Variants in SRGAP3 observed in about 807,000 individuals in gnomAD.
SRGAP3 encodes the protein SLIT-ROBO Rho GTPase activating protein 3, also known as SLIT-ROBO Rho GTPase-activating protein 3.
Under a neutral mutation model 121.1 loss-of-function variants are expected in SRGAP3, and 39 were observed. The ratio of observed to expected loss-of-function variants is 0.32; its 90% confidence interval spans 0.25 to 0.42. The LOEUF (loss-of-function observed/expected upper bound fraction) is 0.42, where lower values mean the gene tolerates loss of function less well. Among genes scored for constraint, SRGAP3 ranks in the 10% least tolerant of loss-of-function variants. SRGAP3 has a pLI of 1.00. For missense variants in SRGAP3, 1,213 were observed against 1,470.6 expected (o/e 0.82, Z 2.86); for synonymous variants, 601 against 570.0 (o/e 1.05, Z -0.77).
At chr3:9,357,816 CAA>C (rs2030600345) in intron 1 of SRGAP3, among the ~76,000 whole-genome samples, 1 of 152,006 alleles carries the variant, frequency 6.6e-6, no homozygotes, top group African/African-American at 2.4e-5. Flanking sequence ...CCCATATGAC[CAA>C]AGTTTCCTTT....
intron 3 of SRGAP3, among the ~76,000 whole-genome samples, chr3:9,291,602 CCACACACACA>C (rs71049786): frequency 7.6e-4 from 112 of 147,028 alleles, no homozygotes; most frequent in African/African-American, 2.6e-3. Context: ...TGCATCAACA[CCACACACACA>C]CACACACACA....
At chr3:9,139,707 G>T (rs1347164193) in intron 1 of SRGAP3, among the ~76,000 whole-genome samples, 1 of 152,216 alleles carries the variant, frequency 6.6e-6, no homozygotes, top group African/African-American at 2.4e-5. Context: ...TCGGAAACTA[G>T]TATAATGTGC....
intron 1 of SRGAP3, among the ~76,000 whole-genome samples, chr3:9,165,452 C>T (rs1950753934): frequency 6.6e-6 from 1 of 152,226 alleles, no homozygotes; most frequent in Non-Finnish European, 1.5e-5. Context: ...TCATTCCTTC[C>T]TCCTGGTTCT....
intron 2 of SRGAP3, among the ~76,000 whole-genome samples, chr3:9,105,438 C>T (rs910306127): frequency 1.3e-5 from 2 of 152,214 alleles, no homozygotes; most frequent in Admixed American, 1.3e-4. Context: ...ACCTACAAGA[C>T]AAATAACCCT....
At chr3:9,221,350 G>A (rs1952804076) in intron 1 of SRGAP3, among the ~76,000 whole-genome samples, 1 of 152,152 alleles carries the variant, frequency 6.6e-6, no homozygotes, top group South Asian at 2.1e-4. Context: ...GGGCAGCAGA[G>A]CACGACCCTG....
chr3:9,010,224 G>T, intron 18 of SRGAP3, 84 bp downstream of exon 18: 1 of 1,479,056 alleles, frequency 6.8e-7, no homozygotes, highest in Non-Finnish European at 9.4e-7. Flanking sequence ...GGTCTATGTG[G>T]GCCAGCCCTG....
chr3:9,296,264 C>T (rs576742294), intron 3 of SRGAP3, among the ~76,000 whole-genome samples: 3 of 152,162 alleles, frequency 2.0e-5, no homozygotes, highest in Non-Finnish European at 4.4e-5. Context: ...AACAGCAATG[C>T]GCAAGGGTTC....
intron 17 of SRGAP3, among the ~76,000 whole-genome samples, chr3:9,012,455 G>A (rs1310863369): frequency 3.3e-5 from 5 of 152,104 alleles, no homozygotes; most frequent in South Asian, 4.1e-4. Context: ...CACATTTTAA[G>A]GTCTTAGCCT....
intron 14 of SRGAP3, 148 bp from the exon 15 acceptor site, chr3:9,015,879 A>G (rs1044860775): frequency 1.2e-6 from 1 of 835,718 alleles, no homozygotes. Context: ...CCCCCACTTC[A>G]GCAAGTTTAA....
Position 9,109,892 on chromosome 3 carries a change from G to A in SRGAP3, c.261-5050C>T, listed in dbSNP as rs1948554648. Reference sequence around the variant, plus strand: ...AGGAGCAGGTAGGGAGGGGGCCCAAGCATGGTGTTTTGGGGTAGGAGAGTG... The same window carrying A: ...AGGAGCAGGTAGGGAGGGGGCCCAAACATGGTGTTTTGGGGTAGGAGAGTG... On this transcript the variant is annotated intron_variant, in intron 2 of 21. Coordinates refer to ENST00000383836, the MANE Select transcript of SRGAP3 (RefSeq NM_014850.4). The surrounding 1 kb of genome is among the most constrained non-coding windows in gnomAD (Gnocchi z 4.4). Among the ~76,000 whole-genome samples, 1 of 152,168 alleles carries A rather than the reference G, an allele frequency of 6.6e-6. No individual in the cohort carries two copies. Among genetic ancestry groups the A allele is most frequent in the African/African-American group, 2.4e-5 (1 of 41,444 alleles).
chr3:9,075,390 T>TGTGCGC (rs1454621766), intron 4 of SRGAP3, among the ~76,000 whole-genome samples: 7,142 of 148,570 alleles, frequency 0.048, 586 homozygotes, highest in African/African-American at 0.18. Flanking sequence ...TGTGTGTGTG[T>TGTGCGC]GCGCGCGCAC....
chr3:9,124,169 G>C (rs112098681), intron 2 of SRGAP3, among the ~76,000 whole-genome samples: 22 of 152,268 alleles, frequency 1.4e-4, no homozygotes, highest in African/African-American at 5.3e-4. Flanking sequence ...TGAGAAATCA[G>C]GACACATGAC....
chr3:9,191,677 T>G (rs1951756746), intron 1 of SRGAP3, among the ~76,000 whole-genome samples: 1 of 152,162 alleles, frequency 6.6e-6, no homozygotes, highest in Admixed American at 6.5e-5. Flanking sequence ...ATGTGGGAGA[T>G]ATGGGAGATG....
At chr3:9,256,683 C>T (rs1057436833) in intron 3 of SRGAP3, 13 of 396,166 alleles carry the variant, frequency 3.3e-5, no homozygotes, top group Non-Finnish European at 4.0e-5. Flanking sequence ...CACTCCTCCC[C>T]AGGGGAGGAA....
At chr3:9,172,500 T>C (rs182691068) in intron 1 of SRGAP3, among the ~76,000 whole-genome samples, 1 of 152,326 alleles carries the variant, frequency 6.6e-6, no homozygotes, top group Non-Finnish European at 1.5e-5. Flanking sequence ...AAATCTTTTG[T>C]TGGGGGACAC....
At chr3:9,013,585 C>T (rs1943479250) in intron 16 of SRGAP3, 50 bp from the exon 17 acceptor site, 1 of 1,602,440 alleles carries the variant, frequency 6.2e-7, no homozygotes, top group South Asian at 1.1e-5. Flanking sequence ...CAAGTCCTCC[C>T]CCTGTGTTTT....
At chr3:9,128,653 T>C (rs1949330756) in intron 1 of SRGAP3, among the ~76,000 whole-genome samples, 2 of 152,204 alleles carry the variant, frequency 1.3e-5, no homozygotes, top group African/African-American at 4.8e-5. Context: ...ACAAGAATAC[T>C]TTTAGTATCT....
chr3:9,067,039 T>C (rs895581170), intron 4 of SRGAP3, among the ~76,000 whole-genome samples: 19 of 152,322 alleles, frequency 1.2e-4, no homozygotes, highest in Admixed American at 9.2e-4. Context: ...TTACTTCCTA[T>C]GCTTGTTATG....
At chr3:9,276,247 C>T (rs908715444) in intron 3 of SRGAP3, among the ~76,000 whole-genome samples, 4 of 152,126 alleles carry the variant, frequency 2.6e-5, no homozygotes, top group Non-Finnish European at 5.9e-5. Context: ...ACAGAAACCA[C>T]AGCAAAGCTC....
Sources: gnomAD v4.1 joint callset for allele counts (sites outside exome capture counted in the v4.1 genomes callset) on GRCh38, gnomAD v4.1.1 for gene constraint, Gnocchi (gnomAD v3.1) non-coding constraint, MANE v1.5 for transcripts, NCBI Gene and HGNC (gene_info 2026-07-23, HGNC 2026-07-21) for gene names.